USH2A: variants seen among roughly 807,000 people sequenced by gnomAD.
USH2A encodes the protein usherin.
A neutral mutation model predicts 538.9 loss-of-function variants in USH2A; 443 were observed. The observed-to-expected ratio is 0.82, with a 90% CI of 0.76 to 0.89. USH2A has a LOEUF of 0.89. Ranked by LOEUF, USH2A falls within the 40% of genes least tolerant of loss-of-function variation. The probability of loss-of-function intolerance (pLI) is 0.00; values close to 1 mark genes in which losing one functional copy is unlikely to be tolerated. For missense variants in USH2A, 6,633 were observed against 6,324.8 expected (o/e 1.05, Z -1.65); for synonymous variants, 2,413 against 2,273.5 (o/e 1.06, Z -1.75).
intron 16 of USH2A, 129 bp downstream of exon 16, chr1:216,207,144 T>G (rs900163474): frequency 9.1e-7 from 1 of 1,104,748 alleles, no homozygotes; most frequent in African/African-American, 1.6e-5. Context: ...TTTGTAATTT[T>G]ATCTCTGTTT....
At chr1:216,035,208 T>C (rs1669221204) in intron 32 of USH2A, among the ~76,000 whole-genome samples, 1 of 152,198 alleles carries the variant, frequency 6.6e-6, no homozygotes, top group Non-Finnish European at 1.5e-5. Context: ...AATTCATATG[T>C]TGAAGTCCTA....
Position 215,680,196 on chromosome 1 carries a change from A to G in USH2A, c.12247T>C (p.Leu4083=). ...IVEQKENGRA[L]LLQWSEPMRT... is the part of the protein sequence containing the mutation. ...ATAGGTTCTGACCACTGTAGTAGCA[A>G]TGCCCGGCCATTCTCTTTCTGTTCT... The change falls in exon 62 of 72, where the codon TTG becomes CTG. Residue 4083 remains leucine (L), a synonymous_variant. Coordinates refer to ENST00000307340, the MANE Select transcript of USH2A (RefSeq NM_206933.4). 6.2e-7 allele frequency: 1 copy of G among 1,614,160 alleles called. No homozygotes were observed. The highest frequency in any genetic ancestry group is 8.5e-7 in the Non-Finnish European group (1 of 1,180,018).
intron 45 of USH2A, among the ~76,000 whole-genome samples, chr1:215,845,154 C>G (rs1237742058): frequency 6.6e-6 from 1 of 152,006 alleles, no homozygotes; most frequent in African/African-American, 2.4e-5. Context: ...AAGAATTGTC[C>G]TTGTGATCTA....
intron 21 of USH2A, among the ~76,000 whole-genome samples, chr1:216,102,352 C>T (rs1182513497): frequency 1.3e-5 from 2 of 149,476 alleles, no homozygotes; most frequent in African/African-American, 2.4e-5. Context: ...CATACACACA[C>T]GTATATATTA....
chr1:215,998,413 A>C (rs1002124606), intron 34 of USH2A, among the ~76,000 whole-genome samples: 3 of 152,074 alleles, frequency 2.0e-5, no homozygotes, highest in Non-Finnish European at 4.4e-5. Flanking sequence ...TGTTCTTCTG[A>C]GATAGGAGCA....
intron 36 of USH2A, 21 bp from the exon 37 acceptor site, chr1:215,965,500 A>T (rs1231390912): frequency 6.2e-7 from 1 of 1,612,618 alleles, no homozygotes; most frequent in Non-Finnish European, 8.5e-7. Context: ...AAAAAGATTT[A>T]TTTTTGTTTG....
At chr1:215,722,116 G>A (rs1010223717) in intron 61 of USH2A, among the ~76,000 whole-genome samples, 6 of 149,568 alleles carry the variant, frequency 4.0e-5, no homozygotes, top group African/African-American at 1.5e-4. Context: ...ATTGTTTTGT[G>A]TGATATTTAC....
chr1:215,632,884 A>G lies in USH2A; in HGVS notation c.15297+1575T>C, dbSNP rs538268743. Among the ~76,000 whole-genome samples the G allele has an allele frequency of 5.9e-5, 9 of 152,314 alleles. No individual in the cohort carries two copies. In the South Asian group the frequency reaches 1.7e-3, roughly 28 times the overall value. On this transcript the variant is annotated intron_variant, in intron 70 of 71. Transcript: ENST00000307340. ...TTCACTGAACAGGAGCAAACAGCCC[A>G]TGGTTCGAAGTGATCACTCGACATT... is the stretch of plus-strand genomic sequence containing the variant.
At position 216,196,645 on chromosome 1, in the gene USH2A, C is replaced by A; in HGVS notation, c.4159G>T (p.Asp1387Tyr). The part of the protein sequence containing the change: ...SLNISWEKPA[D>Y]NVTRGKVVGY... The stretch of plus-strand genomic sequence containing the variant: ...ACAACTTTTCCTCTTGTAACATTAT[C>A]TGCTGGCTTCTCCCAGGAGATATTG... The change falls in exon 19 of 72, where the codon GAT becomes TAT. Residue 1387 changes from aspartate (D) to tyrosine (Y), a missense_variant. Asp to Tyr is a radical substitution (Grantham distance 160, BLOSUM62 -3). Transcript: ENST00000307340. 1 of 1,613,538 alleles carries A rather than the reference C, an allele frequency of 6.2e-7. No individual in the cohort carries two copies. Among genetic ancestry groups the A allele is most frequent in the Non-Finnish European group, 8.5e-7 (1 of 1,179,700 alleles).
At chr1:216,281,866 T>G (rs12744826) in intron 11 of USH2A, among the ~76,000 whole-genome samples, 1 of 14,088 alleles carries the variant, frequency 7.1e-5, no homozygotes, top group Admixed American at 6.9e-4. Flanking sequence ...TTTTTGTCTG[T>G]TTTTTTTTTT....
At chr1:216,130,846 G>T (rs1476345880) in intron 21 of USH2A, among the ~76,000 whole-genome samples, 1 of 151,448 alleles carries the variant, frequency 6.6e-6, no homozygotes, top group Non-Finnish European at 1.5e-5. Flanking sequence ...GAGATTCCTG[G>T]ATCTAATGGT....
chr1:216,280,797 C>T (rs1334349047), intron 11 of USH2A, among the ~76,000 whole-genome samples: 1 of 152,162 alleles, frequency 6.6e-6, no homozygotes, highest in East Asian at 1.9e-4. Flanking sequence ...GGAAAGTTCC[C>T]TTCCAGAACA....
At position 216,155,678 on chromosome 1, in the gene USH2A, G is replaced by A. The variant is rs74141509; in HGVS notation, c.4627+19574C>T. ...ATAACTCCAGTTCTTCCACTTGGCT[G>A]GCTTGGCTTAAATTAAACTTTTTAC... is the stretch of plus-strand genomic sequence containing the variant. On this transcript the variant is annotated intron_variant, in intron 21 of 71. Coordinates refer to ENST00000307340, the MANE Select transcript of USH2A (RefSeq NM_206933.4). Among the ~76,000 whole-genome samples the A allele has an allele frequency of 6.9e-3, 1,057 of 152,182 alleles. 9 individuals are homozygous for A. Among genetic ancestry groups the A allele is most frequent in the African/African-American group, 0.019 (788 of 41,508 alleles).
intron 61 of USH2A, among the ~76,000 whole-genome samples, chr1:215,696,945 C>CT (rs141814764): frequency 0.022 from 3,332 of 148,262 alleles, 102 homozygotes; most frequent in African/African-American, 0.071. Context: ...ATTACACCCT[C>CT]TTTTTTTTTT....
rs1321817529 is a variant in USH2A, at chr1:215,782,939, G to C, written c.10388-4C>G. The C allele has an allele frequency of 5.0e-6, 8 of 1,611,402 alleles. No individual in the cohort carries two copies. Among genetic ancestry groups the C allele is most frequent in the Non-Finnish European group, 5.1e-6 (6 of 1,178,836 alleles). On this transcript the variant is annotated splice_polypyrimidine_tract_variant and splice_region_variant and intron_variant, in intron 52 of 71. Transcript: ENST00000307340. The stretch of plus-strand genomic sequence containing the variant: ...ATGTAGGGCTTGAGGTTCACATCTG[G>C]AAAGAGAAAAAATAGACAGGGAAGT...
At chr1:216,348,735 G>A (rs2038224110) in intron 4 of USH2A, among the ~76,000 whole-genome samples, 1 of 152,014 alleles carries the variant, frequency 6.6e-6, no homozygotes, top group Non-Finnish European at 1.5e-5. Flanking sequence ...AAAAAGAATT[G>A]CTTCAAAAAC....
chr1:215,922,884 C>T (rs1346422254), intron 38 of USH2A, among the ~76,000 whole-genome samples: 2 of 152,038 alleles, frequency 1.3e-5, no homozygotes, highest in Admixed American at 1.3e-4. Flanking sequence ...AGAGTTATTA[C>T]TAGAACTCAG....
chr1:216,091,872 A>C (rs924669341), intron 22 of USH2A, among the ~76,000 whole-genome samples: 4 of 152,168 alleles, frequency 2.6e-5, no homozygotes, highest in Non-Finnish European at 5.9e-5. Flanking sequence ...TTTCCTGATA[A>C]AAATCAAATT....
intron 43 of USH2A, among the ~76,000 whole-genome samples, chr1:215,876,203 A>G (rs1412795860): frequency 1.3e-5 from 2 of 152,128 alleles, no homozygotes; most frequent in Non-Finnish European, 2.9e-5. Flanking sequence ...AGAATAGTAT[A>G]ATGAGCATTA....
Sources: gnomAD v4.1 joint callset for allele counts (sites outside exome capture counted in the v4.1 genomes callset) on GRCh38, gnomAD v4.1.1 for gene constraint, MANE v1.5 for transcripts, NCBI Gene and HGNC (gene_info 2026-07-23, HGNC 2026-07-21) for gene names.